The following VAV3 variants were observed in gnomAD, a reference collection of about 807,000 sequenced individuals.
VAV3 encodes guanine nucleotide exchange factor VAV3.
In VAV3, 94 loss-of-function variants were observed where a neutral mutation model predicts 131.2. The ratio of observed to expected loss-of-function variants is 0.72; its 90% CI spans 0.61 to 0.85. The LOEUF (loss-of-function observed/expected upper bound fraction) is 0.85. VAV3 is among the 40% of genes least tolerant of loss of function. The pLI is 0.00. For synonymous variants in VAV3, 349 were observed against 342.0 expected, an observed-to-expected ratio of 1.02 and a Z score of -0.22; for missense variants, 939 against 1,002.7, an observed-to-expected ratio of 0.94 and a Z score of 0.86.
At chr1:107,778,087 C>A (rs543998082) in intron 3 of VAV3, among the ~76,000 whole-genome samples, 26 of 152,224 alleles carry the variant, frequency 1.7e-4, no homozygotes, top group African/African-American at 6.0e-4. Flanking sequence ...TCTTTTCAGG[C>A]AGCCAGCATA....
intron 12 of VAV3, among the ~76,000 whole-genome samples, chr1:107,753,527 C>CATATATATATATATACATATATATATAT (rs752202122): frequency 1.1e-5 from 1 of 94,738 alleles, no homozygotes; most frequent in African/African-American, 4.1e-5. Flanking sequence ...TATATATATA[C>CATATATATATATATACATATATATATAT]GTATATATAT....
At chr1:107,592,442 T>C (rs2101055275) in intron 25 of VAV3, among the ~76,000 whole-genome samples, 1 of 152,240 alleles carries the variant, frequency 6.6e-6, no homozygotes, top group Middle Eastern at 3.4e-3. Flanking sequence ...AATAAGTTCT[T>C]ACAGAAGATA....
chr1:107,663,800 T>A (rs991271283), intron 19 of VAV3, among the ~76,000 whole-genome samples: 69 of 152,338 alleles, frequency 4.5e-4, no homozygotes, highest in African/African-American at 1.6e-3. Flanking sequence ...TTGTTCTAAT[T>A]TGGCTCTAAG....
At chr1:107,633,554 G>A (rs1186705239) in intron 20 of VAV3, among the ~76,000 whole-genome samples, 1 of 152,084 alleles carries the variant, frequency 6.6e-6, no homozygotes, top group African/African-American at 2.4e-5. Context: ...TCTGTCTGTG[G>A]CACACTGTTA....
intron 2 of VAV3, among the ~76,000 whole-genome samples, chr1:107,793,960 G>A (rs1666423060): frequency 1.3e-5 from 2 of 152,378 alleles, no homozygotes; most frequent in South Asian, 4.1e-4. Context: ...AAATCCCAGA[G>A]ACGCAGATCT....
chr1:107,651,807 T>A (rs774195562), intron 19 of VAV3, among the ~76,000 whole-genome samples: 1 of 152,056 alleles, frequency 6.6e-6, no homozygotes, highest in Non-Finnish European at 1.5e-5. Context: ...AAGTTTCCTA[T>A]TAAAAACTTG....
chr1:107,645,509 T>C (rs957385944), intron 19 of VAV3, among the ~76,000 whole-genome samples: 4 of 152,086 alleles, frequency 2.6e-5, no homozygotes, highest in African/African-American at 9.7e-5. Flanking sequence ...TAGCATATAG[T>C]AGGTGTTCTA....
chr1:107,639,884 C>T (rs564952294), intron 20 of VAV3, among the ~76,000 whole-genome samples: 5 of 149,214 alleles, frequency 3.4e-5, no homozygotes, highest in South Asian at 2.1e-4. Flanking sequence ...CAGTGAGCTA[C>T]GATTGTAGTA....
intron 2 of VAV3, among the ~76,000 whole-genome samples, chr1:107,853,267 C>T (rs566500924): frequency 6.6e-6 from 1 of 152,220 alleles, no homozygotes; most frequent in Admixed American, 6.5e-5. Context: ...AGTTACCTAA[C>T]CATCATCTGT....
chr1:107,783,192 G>C (rs1665788713), intron 2 of VAV3, among the ~76,000 whole-genome samples: 1 of 152,184 alleles, frequency 6.6e-6, no homozygotes, highest in Non-Finnish European at 1.5e-5. Context: ...TAGAAGGGTG[G>C]CTTATATTCC....
At chr1:107,847,042 T>G (rs1571035723) in intron 2 of VAV3, among the ~76,000 whole-genome samples, 1 of 152,032 alleles carries the variant, frequency 6.6e-6, no homozygotes, top group Admixed American at 6.6e-5. Context: ...CCTCAGCAAA[T>G]GTAAAATAAT....
At chr1:107,961,383 G>A (rs1435909229) in intron 1 of VAV3, among the ~76,000 whole-genome samples, 1 of 151,984 alleles carries the variant, frequency 6.6e-6, no homozygotes, top group Non-Finnish European at 1.5e-5. Flanking sequence ...CCCAGCATGT[G>A]CCGCCCACCC....
chr1:107,830,425 G>GT (rs1167066031), intron 2 of VAV3, among the ~76,000 whole-genome samples: 2 of 151,886 alleles, frequency 1.3e-5, no homozygotes, highest in African/African-American at 4.8e-5. Flanking sequence ...TCCTGATAAT[G>GT]TAAGTAAGCA....
At chr1:107,930,021 G>A (rs1344355527) in intron 1 of VAV3, among the ~76,000 whole-genome samples, 1 of 151,974 alleles carries the variant, frequency 6.6e-6, no homozygotes, top group Admixed American at 6.6e-5. Context: ...GAGAATAGAA[G>A]GATAGTTACC....
At chr1:107,771,819 G>A (rs1478256139) in intron 5 of VAV3, among the ~76,000 whole-genome samples, 1 of 152,190 alleles carries the variant, frequency 6.6e-6, no homozygotes, top group Admixed American at 6.5e-5. Flanking sequence ...AACAATTACA[G>A]GAGGCACAGA....
At chr1:107,827,008 AT>A (rs1483290627) in intron 2 of VAV3, among the ~76,000 whole-genome samples, 55 of 152,298 alleles carry the variant, frequency 3.6e-4, no homozygotes, top group Non-Finnish European at 5.0e-4. Flanking sequence ...TAGTAAAAAA[AT>A]ATGAATGACC....
At chr1:107,774,111 G>C (rs1320552062) in intron 4 of VAV3, among the ~76,000 whole-genome samples, 1 of 152,156 alleles carries the variant, frequency 6.6e-6, no homozygotes, top group Non-Finnish European at 1.5e-5. Flanking sequence ...CTGTTGCCCA[G>C]GCTGGAGTAC....
chr1:107,628,727 C>T (rs552002304), intron 20 of VAV3, among the ~76,000 whole-genome samples: 1 of 152,202 alleles, frequency 6.6e-6, no homozygotes, highest in South Asian at 2.1e-4. Flanking sequence ...AAACAAAGTA[C>T]AATGGTCTAA....
intron 20 of VAV3, among the ~76,000 whole-genome samples, chr1:107,631,514 A>G (rs1212053850): frequency 6.6e-6 from 1 of 151,770 alleles, no homozygotes; most frequent in Non-Finnish European, 1.5e-5. Context: ...TTTAGGGTAC[A>G]TGTGCACAAT....
Sources: allele counts gnomAD v4.1 joint callset (sites outside exome capture counted in the v4.1 genomes callset), GRCh38; gene constraint gnomAD v4.1.1; transcripts MANE v1.5; gene names NCBI Gene and HGNC (gene_info 2026-07-23, HGNC 2026-07-21).